Variants in VTCN1 observed in about 807,000 individuals in gnomAD.
VTCN1 encodes V-set domain-containing T-cell activation inhibitor 1.
In VTCN1, 26 loss-of-function variants were observed where a neutral mutation model predicts 26.5. The ratio of observed to expected loss-of-function variants is 0.98; its 90% CI spans 0.72 to 1.36. The LOEUF (loss-of-function observed/expected upper bound fraction) is 1.36, where lower values mean the gene tolerates loss of function less well. VTCN1 is among the 40% of genes most tolerant of loss of function. The pLI, the probability that VTCN1 is intolerant of heterozygous loss-of-function variation, is 0.00. For missense variants in VTCN1, 298 were observed against 337.7 expected, an observed-to-expected ratio of 0.88 and a Z score of 0.92; for synonymous variants, 116 against 130.7, an observed-to-expected ratio of 0.89 and a Z score of 0.77.
At position 117,156,777 on chromosome 1, in the gene VTCN1, T is replaced by C. The variant is rs762798007; in HGVS notation, c.242A>G (p.His81Arg). 13 of 1,614,042 alleles carry C rather than the reference T, an allele frequency of 8.1e-6. No homozygotes were observed. The East Asian group carries it at 2.0e-4, about 25-fold the overall frequency. ...WLKEGVLGLV[H>R]EFKEGKDELS... ...CTCATCTTTGCCTTCTTTGAACTCA[T>C]GGACCAAGCCTAAAACACCTTCCTT... is the stretch of plus-strand genomic sequence containing the variant. The change falls in exon 3 of 6, where the codon CAT becomes CGT. Residue 81 changes from histidine (H) to arginine (R), a missense_variant. Coordinates refer to ENST00000369458, the MANE Select transcript of VTCN1 (RefSeq NM_024626.4).
chr1:117,173,199 G>A (rs765595728), intron 1 of VTCN1: 40 of 716,132 alleles, frequency 5.6e-5, no homozygotes, highest in South Asian at 4.3e-4. Context: ...CGAGGTCAGC[G>A]GCTTCATTCT....
chr1:117,152,986 C>A (rs1208547197), intron 4 of VTCN1, 105 bp downstream of exon 4: 1 of 1,326,050 alleles, frequency 7.5e-7, no homozygotes, highest in African/African-American at 1.5e-5. Context: ...GAAGAGGACT[C>A]TAGAGATTTT....
At chr1:117,178,088 C>T (rs1317987146) in intron 1 of VTCN1, among the ~76,000 whole-genome samples, 2 of 151,152 alleles carry the variant, frequency 1.3e-5, no homozygotes, top group Non-Finnish European at 2.9e-5. Context: ...TACAGGTGCA[C>T]ACCACCCAGC....
intron 2 of VTCN1, among the ~76,000 whole-genome samples, chr1:117,166,629 G>A (rs191369322): frequency 5.4e-4 from 78 of 143,912 alleles, no homozygotes; most frequent in African/African-American, 1.8e-3. Context: ...GGTGGTGCGC[G>A]CCTGTAATCC....
chr1:117,175,277 G>A lies in VTCN1; in HGVS notation c.33-5106C>T, dbSNP rs1044532100. Among the ~76,000 whole-genome samples the A allele has an allele frequency of 5.3e-5, 8 of 152,164 alleles. 1 individual carries two copies. The South Asian group carries it at 6.2e-4, about 12-fold the overall frequency. On this transcript the variant is annotated intron_variant, in intron 1 of 5. Coordinates refer to ENST00000369458, the MANE Select transcript of VTCN1 (RefSeq NM_024626.4). The surrounding 1 kb of genome is among the most constrained non-coding windows in gnomAD (Gnocchi z 4.2). ...TAACAGAAACAATAACTAGTACCTC[G>A]GGAGATAACTTAGACAGACAAGGCA... is the stretch of plus-strand genomic sequence containing the variant.
At chr1:117,207,991 A>C (rs906955568) in intron 1 of VTCN1, among the ~76,000 whole-genome samples, 4 of 152,080 alleles carry the variant, frequency 2.6e-5, no homozygotes, top group Non-Finnish European at 4.4e-5. Context: ...ACCTGAGACG[A>C]AAACCACCTT....
intron 1 of VTCN1, among the ~76,000 whole-genome samples, chr1:117,209,401 GGCAGGA>G (rs1435585211): frequency 1.3e-5 from 2 of 152,204 alleles, no homozygotes; most frequent in East Asian, 3.8e-4. Context: ...AACTGGGACT[GGCAGGA>G]GCAGGGGCAA....
In VTCN1 at chr1:117,169,130, A is replaced by G. The variant is rs1290494652; in HGVS notation, c.97+977T>C. ...TTGGACTGAGTCAGGTGGTTTATGA[A>G]AAAAAGAGCAGACAATTTGCCTCAG... is the stretch of plus-strand genomic sequence containing the variant. On this transcript the variant is annotated intron_variant, in intron 2 of 5. Transcript: ENST00000369458. This position sits in a 1 kb window ranked among gnomAD's most constrained non-coding sequence, Gnocchi z 4.0. Among the ~76,000 whole-genome samples, 1 of 152,222 alleles carries G rather than the reference A, an allele frequency of 6.6e-6. No homozygotes were observed. Among genetic ancestry groups the G allele is most frequent in the African/African-American group, 2.4e-5 (1 of 41,458 alleles).
At chr1:117,174,608 G>C (rs1647220147) in intron 1 of VTCN1, among the ~76,000 whole-genome samples, 1 of 152,010 alleles carries the variant, frequency 6.6e-6, no homozygotes, top group Admixed American at 6.5e-5. Flanking sequence ...CTCTACTAAA[G>C]ATACAAAAAT....
At chr1:117,176,488 A>G (rs1647361121) in intron 1 of VTCN1, among the ~76,000 whole-genome samples, 1 of 152,236 alleles carries the variant, frequency 6.6e-6, no homozygotes, top group Admixed American at 6.5e-5. Context: ...TGGAAAACAT[A>G]AAATGCTTTT....
chr1:117,199,824 T>C (rs1006531938), intron 1 of VTCN1, among the ~76,000 whole-genome samples: 10 of 152,004 alleles, frequency 6.6e-5, no homozygotes, highest in African/African-American at 2.4e-4. Flanking sequence ...TTAGTAGAGA[T>C]GGGGTTTCAC....
intron 1 of VTCN1, among the ~76,000 whole-genome samples, chr1:117,174,486 G>T (rs935139446): frequency 6.6e-6 from 1 of 152,194 alleles, no homozygotes; most frequent in Admixed American, 6.5e-5. Context: ...AAATGAACAG[G>T]CCAGGCGCGG....
intron 1 of VTCN1, among the ~76,000 whole-genome samples, chr1:117,193,723 C>T (rs941468431): frequency 1.3e-5 from 2 of 151,982 alleles, no homozygotes; most frequent in African/African-American, 2.4e-5. Flanking sequence ...AAATGGTAGG[C>T]CTCAATAATT....
intron 1 of VTCN1, among the ~76,000 whole-genome samples, chr1:117,171,481 G>T (rs1473256749): frequency 1.3e-5 from 2 of 152,174 alleles, no homozygotes; most frequent in East Asian, 3.8e-4. Flanking sequence ...CAGCGTAAAA[G>T]CGTTCCTATT....
chr1:117,192,703 C>G (rs1648304028), intron 1 of VTCN1, among the ~76,000 whole-genome samples: 1 of 151,944 alleles, frequency 6.6e-6, no homozygotes, highest in Non-Finnish European at 1.5e-5. Context: ...AAGTTGTTAG[C>G]TTAAAATAGA....
Position 117,155,146 on chromosome 1 carries a change from T to C in VTCN1, c.445+1428A>G, listed in dbSNP as rs1652004031. 6.6e-6 allele frequency among the ~76,000 whole-genome samples: 1 copy of C among 152,198 alleles called. No individual in the cohort carries two copies. The highest frequency in any genetic ancestry group is 2.4e-5 in the African/African-American group (1 of 41,446). ...TAGGTTGCCCCTCTGTTAGAATTCATCTGATGTTTTCTCCTGATTAGACTG... is the reference window on the plus strand; with the variant it reads ...TAGGTTGCCCCTCTGTTAGAATTCACCTGATGTTTTCTCCTGATTAGACTG... On this transcript the variant is annotated intron_variant, in intron 3 of 5. Coordinates refer to ENST00000369458, the MANE Select transcript of VTCN1 (RefSeq NM_024626.4). This position sits in a 1 kb window ranked among gnomAD's most constrained non-coding sequence, Gnocchi z 4.8.
At chr1:117,176,342 T>C (rs1170419463) in intron 1 of VTCN1, among the ~76,000 whole-genome samples, 2 of 152,192 alleles carry the variant, frequency 1.3e-5, no homozygotes, top group Non-Finnish European at 2.9e-5. Context: ...AGGTCTTAAC[T>C]ACATGCTATA....
chr1:117,207,200 A>T (rs567505424), intron 1 of VTCN1, among the ~76,000 whole-genome samples: 34 of 152,278 alleles, frequency 2.2e-4, no homozygotes, highest in African/African-American at 7.5e-4. Context: ...AGGATCCCTC[A>T]TTCTCTACTT....
Position 117,144,417 on chromosome 1 carries a change from G to C in VTCN1, c.*854C>G, listed in dbSNP as rs1025533610. On this transcript the variant is annotated 3_prime_UTR_variant, in exon 6 of 6. Coordinates refer to ENST00000369458, the MANE Select transcript of VTCN1 (RefSeq NM_024626.4). ...ACCCCAGCTGAGTCCCACTGCTCTA[G>C]ATGCTATTGAAAACTGAGGTCTTAG... 6.6e-6 allele frequency: 1 copy of C among 152,202 alleles called. No individual in the cohort carries two copies. The highest frequency in any genetic ancestry group is 2.4e-5 in the African/African-American group (1 of 41,438). 9.4% of individuals were successfully genotyped at this position (152,202 alleles called of 1,614,324 possible). A position where few individuals can be genotyped will look rare whatever the true frequency, so the allele number is the denominator to read the frequency against.
Sources: gnomAD v4.1 joint callset for allele counts (sites outside exome capture counted in the v4.1 genomes callset) on GRCh38, gnomAD v4.1.1 for gene constraint, Gnocchi (gnomAD v3.1) non-coding constraint, MANE v1.5 for transcripts, NCBI Gene and HGNC (gene_info 2026-07-23, HGNC 2026-07-21) for gene names.